Variants in MSI2 observed in about 807,000 individuals in gnomAD.
MSI2 encodes the protein musashi RNA binding protein 2.
Under a neutral mutation model 45.6 loss-of-function variants are expected in MSI2, and 17 were observed. That is an observed-to-expected ratio of 0.37 (90% confidence interval 0.26 to 0.56). The LOEUF is 0.56. Ranked by LOEUF, MSI2 falls within the 20% of genes least tolerant of loss-of-function variation. The probability of loss-of-function intolerance (pLI) is 0.77; values close to 1 mark genes in which losing one functional copy is unlikely to be tolerated. For synonymous variants in MSI2, 156 were observed against 158.2 expected (o/e 0.99, Z 0.11); for missense variants, 293 against 444.2 (o/e 0.66, Z 3.06).
intron 7 of MSI2, among the ~76,000 whole-genome samples, chr17:57,573,005 C>T (rs148305855): frequency 2.6e-5 from 4 of 152,344 alleles, no homozygotes; most frequent in African/African-American, 9.6e-5. Flanking sequence ...GAGGATCCCA[C>T]ATGGGCACAG....
chr17:57,421,217 A>G (rs1476998465), intron 6 of MSI2, among the ~76,000 whole-genome samples: 1 of 152,088 alleles, frequency 6.6e-6, no homozygotes, highest in African/African-American at 2.4e-5. Flanking sequence ...TTTTGGCTCC[A>G]TCAGCGCTTT....
At chr17:57,643,526 C>A (rs531828811) in intron 10 of MSI2, among the ~76,000 whole-genome samples, 4 of 152,310 alleles carry the variant, frequency 2.6e-5, no homozygotes, top group African/African-American at 9.6e-5. Context: ...AGGGAACCTG[C>A]GGACAGACAC....
intron 7 of MSI2, among the ~76,000 whole-genome samples, chr17:57,588,817 T>A (rs1018541844): frequency 6.6e-6 from 1 of 152,248 alleles, no homozygotes; most frequent in African/African-American, 2.4e-5. Flanking sequence ...AAGGTAGGAA[T>A]TGATGAGTAT....
intron 6 of MSI2, among the ~76,000 whole-genome samples, chr17:57,418,057 AT>A (rs2084328363): frequency 6.6e-6 from 1 of 152,156 alleles, no homozygotes; most frequent in Non-Finnish European, 1.5e-5. Context: ...GATACCAAAT[AT>A]TTTAGACTCT....
chr17:57,643,699 A>C (rs568477823), intron 10 of MSI2, among the ~76,000 whole-genome samples: 62 of 152,396 alleles, frequency 4.1e-4, no homozygotes, highest in Middle Eastern at 6.8e-3. Context: ...AAACCTCAAC[A>C]AAGGTTTGAC....
At chr17:57,438,868 T>C (rs983824869) in intron 6 of MSI2, among the ~76,000 whole-genome samples, 8 of 151,444 alleles carry the variant, frequency 5.3e-5, no homozygotes, top group African/African-American at 1.9e-4. Context: ...ATGGCGCAGG[T>C]TGCTCACTGC....
At chr17:57,288,065 G>C (rs1388046539) in intron 5 of MSI2, among the ~76,000 whole-genome samples, 1 of 152,200 alleles carries the variant, frequency 6.6e-6, no homozygotes, top group Non-Finnish European at 1.5e-5. Context: ...AATGTGGTAT[G>C]GTAGATAGGC....
At chr17:57,697,938 A>C in the MSI2 span, among the ~76,000 whole-genome samples, 19 of 152,056 alleles carry the variant, frequency 1.2e-4, no homozygotes, top group South Asian at 3.9e-3. Context: ...CCCCTCCTTC[A>C]TGCCCACTTT....
At chr17:57,495,121 G>A (rs1428108656) in intron 6 of MSI2, among the ~76,000 whole-genome samples, 1 of 152,104 alleles carries the variant, frequency 6.6e-6, no homozygotes, top group Non-Finnish European at 1.5e-5. Flanking sequence ...CTGAACTGAC[G>A]CTCTCTCTTC....
Position 57,270,042 on chromosome 17 carries a change from G to A in MSI2, c.312+7850G>A, listed in dbSNP as rs140019744. Among the ~76,000 whole-genome samples the A allele has an allele frequency of 2.6e-5, 4 of 152,216 alleles. No individual in the cohort carries two copies. In the East Asian group the frequency reaches 5.8e-4, roughly 22 times the overall value. On this transcript the variant is annotated intron_variant, in intron 5 of 13. Coordinates refer to ENST00000284073, the MANE Select transcript of MSI2 (RefSeq NM_138962.4). ...GATATTTTCCATTCTCCCTTCTTTT[G>A]AAGATAGCACCAGGCTTCCAACCAT...
intron 5 of MSI2, chr17:57,263,927 C>T (rs936731224): frequency 6.6e-6 from 1 of 152,190 alleles, no homozygotes; most frequent in Admixed American, 6.5e-5. Context: ...CTGTGTATGA[C>T]ATACTTCACT....
chr17:57,562,125 T>C (rs1287969404), intron 7 of MSI2, among the ~76,000 whole-genome samples: 1 of 152,184 alleles, frequency 6.6e-6, no homozygotes, highest in Non-Finnish European at 1.5e-5. Context: ...CAGCTGTTGT[T>C]TTCCATTTAT....
intron 9 of MSI2, 41 bp downstream of exon 9, chr17:57,616,125 G>A: frequency 1.3e-6 from 2 of 1,528,882 alleles, no homozygotes; most frequent in African/African-American, 1.4e-5. Flanking sequence ...GGACTGGGAG[G>A]GCTATGGAGG....
At chr17:57,670,233 C>T (rs1912682445) in intron 11 of MSI2, among the ~76,000 whole-genome samples, 1 of 152,208 alleles carries the variant, frequency 6.6e-6, no homozygotes. Flanking sequence ...TTGGACTAGA[C>T]TTCCATACCT....
chr17:57,299,745 T>C (rs1306341245), intron 5 of MSI2, among the ~76,000 whole-genome samples: 1 of 152,172 alleles, frequency 6.6e-6, no homozygotes, highest in East Asian at 1.9e-4. Context: ...TGAAATATTT[T>C]GAAATGTGAC....
rs189585175 is a variant in MSI2 at position 57,424,630 on chromosome 17, T to C, written c.405+23159T>C. Among the ~76,000 whole-genome samples, 1,322 of 152,324 alleles carry C rather than the reference T, an allele frequency of 8.7e-3. 23 individuals carry two copies. Among genetic ancestry groups the C allele is most frequent in the African/African-American group, 0.03 (1,257 of 41,578 alleles). Reference sequence around the variant, plus strand: ...CATGACTATCTAGTGTCACAGCTGCTGGCTCTGGACATCTCCTGATGCTTC... The same window carrying C: ...CATGACTATCTAGTGTCACAGCTGCCGGCTCTGGACATCTCCTGATGCTTC... On this transcript the variant is annotated intron_variant, in intron 6 of 13. Coordinates refer to ENST00000284073, the MANE Select transcript of MSI2 (RefSeq NM_138962.4).
intron 4 of MSI2, among the ~76,000 whole-genome samples, chr17:57,260,551 G>T (rs1283707205): frequency 2.0e-5 from 3 of 152,130 alleles, no homozygotes; most frequent in Non-Finnish European, 4.4e-5. Context: ...TCTGTCTTAC[G>T]TACGTCAACA....
chr17:57,688,028 A>G (rs1008300998), downstream of MSI2, among the ~76,000 whole-genome samples: 3 of 152,134 alleles, frequency 2.0e-5, no homozygotes, highest in Non-Finnish European at 2.9e-5. Flanking sequence ...TAATAACACC[A>G]TGGAATGTTG....
intron 7 of MSI2, among the ~76,000 whole-genome samples, chr17:57,584,908 G>A (rs557174150): frequency 1.3e-5 from 2 of 151,600 alleles, no homozygotes; most frequent in South Asian, 4.2e-4. Context: ...TGCAACCTTC[G>A]CCTCCCAGGT....
Sources: gnomAD v4.1 joint callset for allele counts (sites outside exome capture counted in the v4.1 genomes callset) on GRCh38, gnomAD v4.1.1 for gene constraint, MANE v1.5 for transcripts, NCBI Gene and HGNC (gene_info 2026-07-23, HGNC 2026-07-21) for gene names.